The following CORIN variants were observed in gnomAD, a reference collection of about 807,000 sequenced individuals.
CORIN encodes atrial natriuretic peptide-converting enzyme.
CORIN carries 117 observed loss-of-function variants against 125.3 expected under a neutral mutation model. That is an observed-to-expected ratio of 0.93 (90% CI 0.80 to 1.09). The LOEUF (loss-of-function observed/expected upper bound fraction) is 1.09. Ranked by LOEUF, CORIN falls within the 50% of genes least tolerant of loss-of-function variation. The pLI, the probability that CORIN is intolerant of heterozygous loss-of-function variation, is 0.00. For synonymous variants in CORIN, 450 were observed against 466.4 expected (o/e 0.96, Z 0.45); for missense variants, 1,253 against 1,306.7 (o/e 0.96, Z 0.63).
intron 5 of CORIN, among the ~76,000 whole-genome samples, chr4:47,708,446 A>G (rs1462653675): frequency 6.6e-6 from 1 of 152,194 alleles, no homozygotes; most frequent in African/African-American, 2.4e-5. Context: ...GAGATAATTC[A>G]GAATTCCCCT....
Position 47,714,637 on chromosome 4 carries a change from C to T in CORIN, c.800-21554G>A, listed in dbSNP as rs1427117008. ...TTTGTGATGCATACAGTTTCTGTTA[C>T]AACTGTTCAACTACACCAATGTGGA... is the stretch of plus-strand genomic sequence containing the variant. On this transcript the variant is annotated intron_variant, in intron 5 of 21. Coordinates refer to ENST00000273857, the MANE Select transcript of CORIN (RefSeq NM_006587.4). Among the ~76,000 whole-genome samples, 3 of 152,232 alleles carry T rather than the reference C, an allele frequency of 2.0e-5. No homozygotes were observed. In the East Asian group the frequency reaches 5.8e-4, roughly 29 times the overall value.
chr4:47,776,296 G>A (rs1000954596), intron 3 of CORIN, among the ~76,000 whole-genome samples: 1 of 151,058 alleles, frequency 6.6e-6, no homozygotes, highest in African/African-American at 2.4e-5. Flanking sequence ...ATTTTGGGGG[G>A]TTTTTTTGAG....
At chr4:47,836,510 C>T (rs941495678) in intron 1 of CORIN, among the ~76,000 whole-genome samples, 1 of 152,196 alleles carries the variant, frequency 6.6e-6, no homozygotes, top group Admixed American at 6.5e-5. Context: ...CGATAAGTTA[C>T]TTTAAATAAA....
At chr4:47,787,670 G>A (rs542947172) in intron 2 of CORIN, among the ~76,000 whole-genome samples, 61 of 148,712 alleles carry the variant, frequency 4.1e-4, no homozygotes, top group African/African-American at 1.3e-3. Flanking sequence ...GTTTGGTAAC[G>A]AGTAAGTTCC....
At chr4:47,613,630 A>C (rs979210514) in intron 19 of CORIN, among the ~76,000 whole-genome samples, 46 of 151,846 alleles carry the variant, frequency 3.0e-4, no homozygotes, top group Middle Eastern at 3.4e-3. Flanking sequence ...ATGCAGCCAT[A>C]AAAAATGATG....
At chr4:47,632,237 G>T (rs1560481080) in intron 16 of CORIN, 1 of 152,158 alleles carries the variant, frequency 6.6e-6, no homozygotes, top group Non-Finnish European at 1.5e-5. Flanking sequence ...TGAAGGATAA[G>T]GTTTGTCCTC....
chr4:47,660,678 A>G (rs771111439), intron 12 of CORIN, among the ~76,000 whole-genome samples: 6 of 152,214 alleles, frequency 3.9e-5, no homozygotes, highest in Non-Finnish European at 8.8e-5. Flanking sequence ...AGACAATAAC[A>G]AATGCTAGCA....
chr4:47,683,787 C>T lies in CORIN; in HGVS notation c.965G>A (p.Ser322Asn), dbSNP rs537953235. ...HCHTGKCLNY[S>N]LVCDGYDDCG... is the part of the protein sequence containing the mutation. ...GTCATCATATCCATCACACACAAGG[C>T]TGTAATTAAGGCACTTGCCTGTGTG... Residue 322 changes from serine (S) to asparagine (N), a missense_variant, in exon 7 of 22, where the codon AGC becomes AAC. Ser to Asn is a conservative substitution (Grantham distance 46). Coordinates refer to ENST00000273857, the MANE Select transcript of CORIN (RefSeq NM_006587.4). The T allele has an allele frequency of 6.2e-7, 1 of 1,613,760 alleles. No homozygotes were observed. The highest frequency in any genetic ancestry group is 1.1e-5 in the South Asian group (1 of 91,062).
chr4:47,627,430 A>G (rs1017359891), intron 16 of CORIN, among the ~76,000 whole-genome samples: 2 of 152,242 alleles, frequency 1.3e-5, no homozygotes, highest in African/African-American at 4.8e-5. Flanking sequence ...TAAAAACACA[A>G]GAGTATTTCA....
At chr4:47,623,384 T>A (rs7682364) in intron 19 of CORIN, among the ~76,000 whole-genome samples, 187 bp downstream of exon 19, 40,711 of 151,762 alleles carry the variant, frequency 0.27, 5,560 homozygotes, top group Admixed American at 0.35. Context: ...TTCCAACAAA[T>A]GAGCAGCCCA....
intron 2 of CORIN, among the ~76,000 whole-genome samples, chr4:47,790,042 G>C (rs1175433377): frequency 6.6e-6 from 1 of 152,062 alleles, no homozygotes; most frequent in East Asian, 1.9e-4. Flanking sequence ...TAATAATACT[G>C]CTAAGAGATA....
chr4:47,677,528 C>T (rs560822667), intron 9 of CORIN, among the ~76,000 whole-genome samples: 4 of 152,054 alleles, frequency 2.6e-5, no homozygotes, highest in South Asian at 2.1e-4. Context: ...GTGTATTGCT[C>T]GGTAATAAGA....
chr4:47,821,834 C>T (rs867180569), intron 1 of CORIN, among the ~76,000 whole-genome samples: 22 of 152,224 alleles, frequency 1.4e-4, no homozygotes, highest in African/African-American at 4.8e-4. Context: ...CCTCCAGATC[C>T]AAATGAGAAC....
chr4:47,767,072 C>T (rs554777237), intron 3 of CORIN, among the ~76,000 whole-genome samples: 82 of 151,704 alleles, frequency 5.4e-4, no homozygotes, highest in African/African-American at 1.9e-3. Flanking sequence ...AAACTCATAA[C>T]AGCAAAGAGC....
chr4:47,758,669 C>T (rs1729305806), intron 4 of CORIN, among the ~76,000 whole-genome samples: 1 of 152,178 alleles, frequency 6.6e-6, no homozygotes, highest in South Asian at 2.1e-4. Context: ...ATAGGAAGTA[C>T]TCAGTGGAAG....
chr4:47,792,902 T>C (rs1401661880), intron 2 of CORIN, among the ~76,000 whole-genome samples: 1 of 152,206 alleles, frequency 6.6e-6, no homozygotes, highest in Non-Finnish European at 1.5e-5. Context: ...AGTATTGTAA[T>C]AAATTAACTA....
intron 16 of CORIN, among the ~76,000 whole-genome samples, chr4:47,636,928 G>A (rs1160509747): frequency 1.3e-5 from 2 of 152,176 alleles, no homozygotes; most frequent in Non-Finnish European, 2.9e-5. Context: ...GAAAAGTTTG[G>A]AGGGCTGAGA....
At chr4:47,653,043 T>C (rs1723805731) in intron 13 of CORIN, among the ~76,000 whole-genome samples, 1 of 152,228 alleles carries the variant, frequency 6.6e-6, no homozygotes, top group South Asian at 2.1e-4. Flanking sequence ...CAGTTATCCC[T>C]GGTTAAGCAT....
intron 19 of CORIN, among the ~76,000 whole-genome samples, chr4:47,613,856 C>T (rs28539362): frequency 0.26 from 38,970 of 147,296 alleles, 5,320 homozygotes; most frequent in Admixed American, 0.35. Flanking sequence ...ATACCTAATG[C>T]TAGATGACGA....
Sources: gnomAD v4.1 joint callset for allele counts (sites outside exome capture counted in the v4.1 genomes callset) on GRCh38, gnomAD v4.1.1 for gene constraint, MANE v1.5 for transcripts, NCBI Gene and HGNC (gene_info 2026-07-23, HGNC 2026-07-21) for gene names.